NAALADL2: variants seen among roughly 807,000 people sequenced by gnomAD.
The protein encoded by NAALADL2 is inactive N-acetylated-alpha-linked acidic dipeptidase-like protein 2.
NAALADL2 carries 76 observed loss-of-function variants against 87.2 expected under a neutral mutation model. The observed-to-expected ratio is 0.87, with a 90% CI of 0.72 to 1.05. The LOEUF is 1.05. Ranked by LOEUF, NAALADL2 falls within the 50% of genes least tolerant of loss-of-function variation. NAALADL2 has a pLI of 0.00. For missense variants in NAALADL2, 1,089 were observed against 945.8 expected (o/e 1.15, Z -1.99); for synonymous variants, 354 against 331.0 (o/e 1.07, Z -0.75).
intron 2 of NAALADL2, among the ~76,000 whole-genome samples, chr3:175,139,257 T>A (rs1301246931): frequency 6.6e-6 from 1 of 151,872 alleles, no homozygotes; most frequent in African/African-American, 2.4e-5. Flanking sequence ...TTTAAATACA[T>A]CCTTGTTCTG....
At chr3:174,813,275 T>TA (rs745439460) in intron 3 of NAALADL2, among the ~76,000 whole-genome samples, 19 of 151,796 alleles carry the variant, frequency 1.3e-4, no homozygotes, top group South Asian at 4.2e-4. Flanking sequence ...GCTGATAAGC[T>TA]AAAAAAAACA....
At chr3:175,121,992 T>C (rs1726227503) in intron 2 of NAALADL2, among the ~76,000 whole-genome samples, 1 of 151,840 alleles carries the variant, frequency 6.6e-6, no homozygotes, top group Admixed American at 6.6e-5. Context: ...TGGCGACACA[T>C]TGTAATAGTT....
Position 175,809,500 on chromosome 3 carries a change from CCT to C in NAALADL2, c.*6298_*6299del, listed in dbSNP as rs1754983358. The C allele has an allele frequency of 9.6e-6, 1 of 103,700 alleles. No individual in the cohort carries two copies. Among genetic ancestry groups the C allele is most frequent in the South Asian group, 2.9e-4 (1 of 3,452 alleles). The allele number at this position is 103,700 out of a possible 1,614,324, so 6.4% of individuals were successfully genotyped here. On this transcript the variant is annotated 3_prime_UTR_variant, in exon 14 of 14. Coordinates refer to ENST00000454872, the MANE Select transcript of NAALADL2 (RefSeq NM_207015.3). The stretch of plus-strand genomic sequence containing the variant: ...AATAGCCTGGGCAACAAAGTGAGAC[CCT>C]GTCTCTCTTAAAAAAAAAAAAAAAA...
intron 2 of NAALADL2, among the ~76,000 whole-genome samples, chr3:175,098,990 G>A (rs1721661112): frequency 6.7e-6 from 1 of 150,312 alleles, no homozygotes; most frequent in East Asian, 2.0e-4. Context: ...TTGACTCTTA[G>A]TAAGTTTATA....
chr3:174,810,766 A>G (rs1720087164), intron 3 of NAALADL2, among the ~76,000 whole-genome samples: 1 of 152,152 alleles, frequency 6.6e-6, no homozygotes, highest in South Asian at 2.1e-4. Flanking sequence ...TATTACTAAA[A>G]GGAAAGGAAG....
rs538561820 is a variant in NAALADL2, at chr3:175,807,146, T to G, written c.*3943T>G. ...AAAAAGAGACCAGAAACCACAAGTC[T>G]TACACTTTCATTCTCTAAATGCTTA... On this transcript the variant is annotated 3_prime_UTR_variant, in exon 14 of 14. Coordinates refer to ENST00000454872, the MANE Select transcript of NAALADL2 (RefSeq NM_207015.3). The G allele has an allele frequency of 6.6e-6, 1 of 151,800 alleles. No homozygotes were observed. Among genetic ancestry groups the G allele is most frequent in the Non-Finnish European group, 1.5e-5 (1 of 67,832 alleles). The allele number at this position is 151,800 out of a possible 1,614,324, so 9.4% of individuals were successfully genotyped here.
Position 175,279,787 on chromosome 3 carries a change from AGTGTGTGTGT to A in NAALADL2, c.939+23282_939+23291del, listed in dbSNP as rs34107349. Among the ~76,000 whole-genome samples the A allele has an allele frequency of 2.2e-4, 28 of 125,626 alleles. 1 individual carries two copies. The East Asian group carries it at 2.4e-3, about 11-fold the overall frequency. The allele number at this position is 125,626 out of a possible 152,430, so 82.4% of individuals were successfully genotyped here. On this transcript the variant is annotated intron_variant, in intron 4 of 13. Transcript: ENST00000454872. The stretch of plus-strand genomic sequence containing the variant: ...AATAAGATCCTCTGCATAGTGTGTG[AGTGTGTGTGT>A]GTGTGTGTGTGTGTGTGTGTGTGTA...
intron 1 of NAALADL2, among the ~76,000 whole-genome samples, chr3:174,453,999 C>T (rs966123119): frequency 8.5e-5 from 13 of 152,158 alleles, no homozygotes; most frequent in African/African-American, 1.2e-4. Context: ...ATGCTGTCTT[C>T]GGAAGACCTA....
intron 2 of NAALADL2, among the ~76,000 whole-genome samples, chr3:174,612,103 AG>A (rs1719965586): frequency 6.6e-6 from 1 of 152,076 alleles, no homozygotes; most frequent in African/African-American, 2.4e-5. Context: ...TAGCACTTTA[AG>A]TATGTATTGC....
At chr3:175,311,485 T>C (rs532432976) in intron 4 of NAALADL2, among the ~76,000 whole-genome samples, 3 of 152,168 alleles carry the variant, frequency 2.0e-5, no homozygotes, top group South Asian at 2.1e-4. Flanking sequence ...GTTGCTTTAT[T>C]TGTAAAATAA....
At chr3:174,924,450 C>G (rs1031560075) in intron 1 of NAALADL2, among the ~76,000 whole-genome samples, 5 of 151,986 alleles carry the variant, frequency 3.3e-5, no homozygotes, top group Non-Finnish European at 7.4e-5. Flanking sequence ...TTTTCTTAAT[C>G]CAGTCTATCA....
chr3:175,640,157 A>C (rs1239053662), intron 11 of NAALADL2, among the ~76,000 whole-genome samples: 1 of 152,220 alleles, frequency 6.6e-6, no homozygotes, highest in Non-Finnish European at 1.5e-5. Flanking sequence ...AAACCTCTCT[A>C]GATTACATTT....
chr3:174,659,513 A>C (rs1254677133), intron 2 of NAALADL2, among the ~76,000 whole-genome samples: 1 of 152,188 alleles, frequency 6.6e-6, no homozygotes, highest in Non-Finnish European at 1.5e-5. Flanking sequence ...AATGGTTATC[A>C]CAGATAACTG....
chr3:174,579,178 C>T (rs1025801527), intron 2 of NAALADL2, among the ~76,000 whole-genome samples: 1 of 151,942 alleles, frequency 6.6e-6, no homozygotes, highest in Non-Finnish European at 1.5e-5. Flanking sequence ...GTTAAACAAA[C>T]ACCCACCCAA....
intron 13 of NAALADL2, among the ~76,000 whole-genome samples, chr3:175,758,360 T>G (rs2150141139): frequency 6.6e-6 from 1 of 152,018 alleles, no homozygotes; most frequent in South Asian, 2.1e-4. Flanking sequence ...TGCCGTTCTT[T>G]TCCTTAGCTC....
intron 12 of NAALADL2, among the ~76,000 whole-genome samples, chr3:175,753,650 A>C (rs532304155): frequency 7.2e-5 from 11 of 152,324 alleles, no homozygotes; most frequent in Admixed American, 2.6e-4. Context: ...GTATAGAATA[A>C]TCTGAGTAGC....
chr3:175,670,535 A>ATATAT (rs1308099286), intron 11 of NAALADL2, among the ~76,000 whole-genome samples: 91 of 61,288 alleles, frequency 1.5e-3, no homozygotes, highest in Non-Finnish European at 1.9e-3. Context: ...TGTAAATTTA[A>ATATAT]TTATATTATT....
intron 1 of NAALADL2, among the ~76,000 whole-genome samples, chr3:174,939,971 T>C (rs898969146): frequency 3.9e-5 from 6 of 152,164 alleles, no homozygotes; most frequent in Non-Finnish European, 7.4e-5. Flanking sequence ...CTTGACTTCT[T>C]CTCTTCCTAC....
chr3:174,960,457 A>G (rs754418753), intron 1 of NAALADL2, among the ~76,000 whole-genome samples: 7 of 152,092 alleles, frequency 4.6e-5, no homozygotes, highest in Non-Finnish European at 7.4e-5. Context: ...TCTTTAATCA[A>G]GAACATTCAT....
Sources: allele counts gnomAD v4.1 joint callset (sites outside exome capture counted in the v4.1 genomes callset), GRCh38; gene constraint gnomAD v4.1.1; transcripts MANE v1.5; gene names NCBI Gene and HGNC (gene_info 2026-07-23, HGNC 2026-07-21).